PCNX2: variants seen among roughly 807,000 people sequenced by gnomAD.
PCNX2 encodes pecanex-like protein 2.
PCNX2 carries 168 observed loss-of-function variants against 223.8 expected under a neutral mutation model. The ratio of observed to expected loss-of-function variants is 0.75; its 90% CI spans 0.66 to 0.85. The LOEUF is 0.85. PCNX2 is among the 40% of genes least tolerant of loss of function. PCNX2 has a pLI of 0.00. For synonymous variants in PCNX2, 1,006 were observed against 1,052.6 expected (o/e 0.96, Z 0.86); for missense variants, 2,507 against 2,675.5 (o/e 0.94, Z 1.39).
At chr1:232,985,415 G>C (rs1385474618) in intron 33 of PCNX2, 3 of 153,070 alleles carry the variant, frequency 2.0e-5, no homozygotes, top group Middle Eastern at 3.4e-3. Flanking sequence ...CAAAAGGAGT[G>C]GGGGAACTCT....
At chr1:233,152,912 A>G (rs1421347603) in intron 19 of PCNX2, among the ~76,000 whole-genome samples, 1 of 151,246 alleles carries the variant, frequency 6.6e-6, no homozygotes, top group East Asian at 2.0e-4. Flanking sequence ...GGAATTCCCA[A>G]TTATAGAAGA....
Position 233,259,242 on chromosome 1 carries a change from G to T in PCNX2, c.620C>A (p.Thr207Asn). 1 of 1,613,950 alleles carries T rather than the reference G, an allele frequency of 6.2e-7. No individual in the cohort carries two copies. Among genetic ancestry groups the T allele is most frequent in the Non-Finnish European group, 8.5e-7 (1 of 1,179,876 alleles). ...LPASQAHMLETTTKSVIPVKP... is the reference protein window; with the variant it reads ...LPASQAHMLENTTKSVIPVKP... ...TACAGGTATTACTGACTTGGTCGTG[G>T]TTTCCAGCATGTGTGCTTGAGACGC... The change falls in exon 5 of 34, where the codon ACC becomes AAC. Residue 207 changes from threonine to asparagine, a missense_variant. This residue lies in a region of PCNX2 where 1,031 missense variants were observed against 1,021.7 expected (regional missense o/e 1.01). Transcript: ENST00000258229.
chr1:233,031,498 T>A lies in PCNX2; in HGVS notation c.4352-6099A>T, dbSNP rs184149432. ...GCAGTATATTGTATTACCTTACATA[T>A]GGTGGCAGATAAAGAAAGGCTATGT... is the stretch of plus-strand genomic sequence containing the variant. On this transcript the variant is annotated intron_variant, in intron 25 of 33. Coordinates refer to ENST00000258229, the MANE Select transcript of PCNX2 (RefSeq NM_014801.4). Among the ~76,000 whole-genome samples, 7 of 152,372 alleles carry A rather than the reference T, an allele frequency of 4.6e-5. No homozygotes were observed. In the East Asian group the frequency reaches 1.3e-3, roughly 29 times the overall value.
At position 233,142,337 on chromosome 1, in the gene PCNX2, T is replaced by A. The variant is rs1677178829; in HGVS notation, c.3518-2482A>T. Reference sequence around the variant, plus strand: ...CAGCAACTGTCTTTGACCTCCACTTTCGGGAGAAAATAAAGTCTATGAGGT... The same window carrying A: ...CAGCAACTGTCTTTGACCTCCACTTACGGGAGAAAATAAAGTCTATGAGGT... On this transcript the variant is annotated intron_variant, in intron 19 of 33. Coordinates refer to ENST00000258229, the MANE Select transcript of PCNX2 (RefSeq NM_014801.4). 2.0e-5 allele frequency among the ~76,000 whole-genome samples: 3 copies of A among 152,140 alleles called. No homozygotes were observed. The South Asian group carries it at 6.2e-4, about 32-fold the overall frequency.
chr1:233,011,748 A>G lies in PCNX2; in HGVS notation c.4952+2917T>C, dbSNP rs73103449. Among the ~76,000 whole-genome samples the G allele has an allele frequency of 9.5e-3, 1,450 of 152,272 alleles. 22 individuals are homozygous for G. The highest frequency in any genetic ancestry group is 0.033 in the African/African-American group (1,370 of 41,556). On this transcript the variant is annotated intron_variant, in intron 28 of 33. Transcript: ENST00000258229. Reference sequence around the variant, plus strand: ...CCTGCCTGGAAAGTGGCACACCCCAACTTCACAGGGATGGAAGCTCCTGTG... The same window carrying G: ...CCTGCCTGGAAAGTGGCACACCCCAGCTTCACAGGGATGGAAGCTCCTGTG...
chr1:233,146,019 G>C (rs1677428942), intron 19 of PCNX2, among the ~76,000 whole-genome samples: 1 of 152,096 alleles, frequency 6.6e-6, no homozygotes, highest in Non-Finnish European at 1.5e-5. Flanking sequence ...CTAAAGAAAT[G>C]CTCATACGCC....
chr1:233,013,784 T>G (rs1670557034), intron 28 of PCNX2, among the ~76,000 whole-genome samples: 2 of 152,154 alleles, frequency 1.3e-5, no homozygotes, highest in Non-Finnish European at 2.9e-5. Flanking sequence ...CTGAGAGCTT[T>G]TGAAACTTGG....
At chr1:233,056,366 C>T (rs537873181) in intron 24 of PCNX2, among the ~76,000 whole-genome samples, 7 of 152,314 alleles carry the variant, frequency 4.6e-5, no homozygotes, top group South Asian at 2.1e-4. Flanking sequence ...ATTGACCACA[C>T]ATTTGCATAA....
the PCNX2 span, among the ~76,000 whole-genome samples, chr1:233,315,771 T>C: frequency 6.6e-6 from 1 of 152,328 alleles, no homozygotes; most frequent in South Asian, 2.1e-4. Flanking sequence ...CCAATTTCTC[T>C]ATGATTTATT....
the PCNX2 span, among the ~76,000 whole-genome samples, chr1:233,316,176 A>G: frequency 6.6e-6 from 1 of 152,328 alleles, no homozygotes; most frequent in South Asian, 2.1e-4. Flanking sequence ...GCAGGGCTCC[A>G]GTCCTGTCCA....
chr1:233,093,554 G>C (rs753545458), intron 22 of PCNX2, among the ~76,000 whole-genome samples: 1 of 152,014 alleles, frequency 6.6e-6, no homozygotes, highest in Non-Finnish European at 1.5e-5. Context: ...TGTATATCTA[G>C]TTTTTCAACT....
rs191528919 is a variant in PCNX2 at position 233,171,906 on chromosome 1, G to A, written c.3273+5896C>T. On this transcript the variant is annotated intron_variant, in intron 17 of 33. Coordinates refer to ENST00000258229, the MANE Select transcript of PCNX2 (RefSeq NM_014801.4). ...CTTTTGTCAATTAGTGTTATGTTCTGGGTACTTTCTTCTCTCCTTATCTTT... is the reference window on the plus strand; with the variant it reads ...CTTTTGTCAATTAGTGTTATGTTCTAGGTACTTTCTTCTCTCCTTATCTTT... Among the ~76,000 whole-genome samples the A allele has an allele frequency of 2.5e-3, 385 of 151,810 alleles. 1 individual carries two copies. Among genetic ancestry groups the A allele is most frequent in the Middle Eastern group, 0.017 (5 of 294 alleles).
rs112371665 is a variant in PCNX2, at chr1:233,256,600, A to G, written c.1834+1428T>C. Among the ~76,000 whole-genome samples, 592 of 152,262 alleles carry G rather than the reference A, an allele frequency of 3.9e-3. 3 individuals are homozygous for G. The highest frequency in any genetic ancestry group is 0.013 in the African/African-American group (538 of 41,538). ...AAAAATGCCAGTTCTCATCTACACA[A>G]CCCCCTTTTAAAGTATTAAATAGCT... On this transcript the variant is annotated intron_variant, in intron 5 of 33. Coordinates refer to ENST00000258229, the MANE Select transcript of PCNX2 (RefSeq NM_014801.4).
At chr1:233,098,565 C>G (rs143151102) in intron 21 of PCNX2, among the ~76,000 whole-genome samples, 1 of 151,944 alleles carries the variant, frequency 6.6e-6, no homozygotes, top group Non-Finnish European at 1.5e-5. Context: ...CTTTGTAAAG[C>G]CTTTCAACAT....
chr1:232,992,848 C>T (rs933729790), intron 32 of PCNX2, among the ~76,000 whole-genome samples: 16 of 152,158 alleles, frequency 1.1e-4, no homozygotes, highest in African/African-American at 3.9e-4. Flanking sequence ...AAGTGTGGCA[C>T]CTCCTTGGTC....
At chr1:233,130,445 A>G (rs990759566) in intron 21 of PCNX2, among the ~76,000 whole-genome samples, 1 of 148,768 alleles carries the variant, frequency 6.7e-6, no homozygotes, top group Non-Finnish European at 1.5e-5. Flanking sequence ...TTGGAACTCA[A>G]TATTTCTGCC....
intron 21 of PCNX2, among the ~76,000 whole-genome samples, chr1:233,112,655 G>A (rs927544585): frequency 2.0e-5 from 3 of 152,196 alleles, no homozygotes; most frequent in African/African-American, 4.8e-5. Flanking sequence ...AAAGATGGGC[G>A]TTCGTAAATA....
At chr1:233,228,369 TATC>T (rs1288255554) in intron 9 of PCNX2, among the ~76,000 whole-genome samples, 2 of 152,152 alleles carry the variant, frequency 1.3e-5, no homozygotes, top group East Asian at 3.8e-4. Context: ...GAAAAACAAA[TATC>T]ATAAAATTTA....
chr1:233,141,608 A>C (rs1009231877), intron 19 of PCNX2, among the ~76,000 whole-genome samples: 5 of 152,250 alleles, frequency 3.3e-5, no homozygotes, highest in African/African-American at 1.2e-4. Flanking sequence ...GGGAGGCAGA[A>C]GTTGCAGTGA....
Sources: allele counts gnomAD v4.1 joint callset (sites outside exome capture counted in the v4.1 genomes callset), GRCh38; gene constraint gnomAD v4.1.1; regional missense constraint gnomAD v4.1.1; transcripts MANE v1.5; gene names NCBI Gene and HGNC (gene_info 2026-07-23, HGNC 2026-07-21).